The following GSG1L variants were observed in gnomAD, a reference collection of about 807,000 sequenced individuals.
GSG1L encodes the protein GSG1 like, also known as germ cell-specific gene 1-like protein.
GSG1L carries 24 observed loss-of-function variants against 42.1 expected under a neutral mutation model. The ratio of observed to expected loss-of-function variants is 0.57; its 90% CI spans 0.41 to 0.80. GSG1L has a LOEUF of 0.80. Among genes scored for constraint, GSG1L ranks in the 30% least tolerant of loss-of-function variants. The pLI is 0.00. For missense variants in GSG1L, 445 were observed against 472.2 expected, an observed-to-expected ratio of 0.94 and a Z score of 0.53; for synonymous variants, 215 against 203.5, an observed-to-expected ratio of 1.06 and a Z score of -0.48.
chr16:28,053,190 T>C (rs2086238373), intron 1 of GSG1L, among the ~76,000 whole-genome samples: 2 of 152,188 alleles, frequency 1.3e-5, no homozygotes, highest in South Asian at 2.1e-4. Context: ...GCCCCACAAA[T>C]GTGTCCAGAG....
At chr16:28,042,534 T>C (rs1596725676) in intron 1 of GSG1L, among the ~76,000 whole-genome samples, 1 of 151,830 alleles carries the variant, frequency 6.6e-6, no homozygotes, top group Non-Finnish European at 1.5e-5. Context: ...ATTGGAGATA[T>C]GTCAGGAAGA....
rs202218910 is a variant in GSG1L, at chr16:27,807,457, G to T, written c.898+30C>A. On this transcript the variant is annotated intron_variant, in intron 6 of 6. Transcript: ENST00000447459. ...TCCTCTGGCAGCCCATGAATCTGTCGTAGCAGATACCCACAAACAGGCCAC... is the reference window on the plus strand; with the variant it reads ...TCCTCTGGCAGCCCATGAATCTGTCTTAGCAGATACCCACAAACAGGCCAC... 1.7e-3 allele frequency: 2,645 copies of T among 1,587,512 alleles called. 9 individuals are homozygous for T. Among genetic ancestry groups the T allele is most frequent in the Middle Eastern group, 8.3e-3 (49 of 5,912 alleles).
At chr16:27,973,804 C>T (rs917693047) in intron 1 of GSG1L, among the ~76,000 whole-genome samples, 14 of 152,270 alleles carry the variant, frequency 9.2e-5, no homozygotes, top group African/African-American at 2.6e-4. Flanking sequence ...GTCGGCAGGG[C>T]TTGTTGTCAA....
chr16:27,953,554 G>A (rs1389488439), intron 2 of GSG1L, among the ~76,000 whole-genome samples: 3 of 152,176 alleles, frequency 2.0e-5, no homozygotes, highest in East Asian at 3.8e-4. Flanking sequence ...TGTGGCAGTG[G>A]AGATAGAGAA....
chr16:27,979,043 C>T (rs79192684), intron 1 of GSG1L, among the ~76,000 whole-genome samples: 3,143 of 152,192 alleles, frequency 0.021, 112 homozygotes, highest in African/African-American at 0.072. Context: ...AGTTCAAATC[C>T]ATCCTCTGCC....
chr16:28,054,141 T>A (rs2086252672), intron 1 of GSG1L, among the ~76,000 whole-genome samples: 1 of 152,158 alleles, frequency 6.6e-6, no homozygotes, highest in South Asian at 2.1e-4. Flanking sequence ...CTATCTCTGA[T>A]GCACACTCTG....
At chr16:28,035,836 A>G (rs2086029163) in intron 1 of GSG1L, among the ~76,000 whole-genome samples, 1 of 152,140 alleles carries the variant, frequency 6.6e-6, no homozygotes, top group Admixed American at 6.5e-5. Flanking sequence ...AGCGGGGATG[A>G]CAGTGGTTCT....
chr16:27,824,714 G>A (rs1475816580), intron 5 of GSG1L, among the ~76,000 whole-genome samples: 2 of 152,194 alleles, frequency 1.3e-5, no homozygotes, highest in African/African-American at 4.8e-5. Context: ...TCTTGGGGCT[G>A]AGCTGTTAGG....
At chr16:27,823,106 C>G (rs1448201190) in intron 5 of GSG1L, among the ~76,000 whole-genome samples, 1 of 152,210 alleles carries the variant, frequency 6.6e-6, no homozygotes, top group Non-Finnish European at 1.5e-5. Context: ...AAGCCCCAAT[C>G]TGCAAATATT....
chr16:27,977,688 A>G (rs74015187), intron 1 of GSG1L, among the ~76,000 whole-genome samples: 3,386 of 152,116 alleles, frequency 0.022, 124 homozygotes, highest in African/African-American at 0.077. Flanking sequence ...CATCTTTTGC[A>G]AAAGTAGAGA....
intron 6 of GSG1L, among the ~76,000 whole-genome samples, chr16:27,792,644 C>T (rs1247834318): frequency 2.0e-5 from 3 of 152,164 alleles, no homozygotes; most frequent in Non-Finnish European, 4.4e-5. Context: ...TCTCCCTCAT[C>T]CCAGAGCACC....
At chr16:27,955,882 GAGGAAGGAAGGAAGGA>G (rs759855179) in intron 2 of GSG1L, among the ~76,000 whole-genome samples, 31 of 111,016 alleles carry the variant, frequency 2.8e-4, no homozygotes, top group African/African-American at 8.5e-4. Context: ...CATAAGAGAA[GAGGAAGGAAGGAAGGA>G]AGGAAGGAAG....
At chr16:27,978,616 G>C (rs900899980) in intron 1 of GSG1L, among the ~76,000 whole-genome samples, 2 of 150,864 alleles carry the variant, frequency 1.3e-5, no homozygotes, top group Non-Finnish European at 2.9e-5. Flanking sequence ...GCTTGAACCT[G>C]GGAGGCGGAG....
chr16:27,869,677 TTC>T (rs554897698), intron 3 of GSG1L, among the ~76,000 whole-genome samples: 2 of 120,172 alleles, frequency 1.7e-5, no homozygotes, highest in African/African-American at 6.5e-5. Flanking sequence ...CTCTCTCTCC[TTC>T]TCTCTCTGTC....
At chr16:27,838,533 AG>A (rs1349320890) in intron 4 of GSG1L, among the ~76,000 whole-genome samples, 1 of 152,168 alleles carries the variant, frequency 6.6e-6, no homozygotes, top group Non-Finnish European at 1.5e-5. Flanking sequence ...GGGTGGTGAC[AG>A]GGGTTGTCAA....
chr16:27,896,049 A>T (rs1596594651), intron 2 of GSG1L, among the ~76,000 whole-genome samples: 1 of 152,218 alleles, frequency 6.6e-6, no homozygotes, highest in East Asian at 1.9e-4. Flanking sequence ...CCCCTCCCAG[A>T]CCTACTGACT....
chr16:27,909,635 CTTTTTTTTTTTTT>C (rs10709968), intron 2 of GSG1L, among the ~76,000 whole-genome samples: 1 of 88,274 alleles, frequency 1.1e-5, no homozygotes, highest in East Asian at 2.9e-4. Context: ...CTGCACCCAG[CTTTTTTTTTTTTT>C]TTTTTTTTTT....
chr16:27,978,760 G>GT (rs536494521), intron 1 of GSG1L, among the ~76,000 whole-genome samples: 64 of 148,218 alleles, frequency 4.3e-4, no homozygotes, highest in East Asian at 9.9e-4. Flanking sequence ...GTAAATAATG[G>GT]TTTTTTTTTT....
intron 1 of GSG1L, among the ~76,000 whole-genome samples, chr16:27,987,002 A>G (rs2085392802): frequency 6.6e-6 from 1 of 152,226 alleles, no homozygotes; most frequent in Admixed American, 6.5e-5. Flanking sequence ...AGATCACCTG[A>G]GGTCAGGAGT....
Sources: gnomAD v4.1 joint callset for allele counts (sites outside exome capture counted in the v4.1 genomes callset) on GRCh38, gnomAD v4.1.1 for gene constraint, MANE v1.5 for transcripts, NCBI Gene and HGNC (gene_info 2026-07-23, HGNC 2026-07-21) for gene names.